The following PAK6 variants were observed in gnomAD, a reference collection of about 807,000 sequenced individuals.
The protein encoded by PAK6 is serine/threonine-protein kinase PAK 6.
PAK6 carries 33 observed loss-of-function variants against 60.8 expected under a neutral mutation model. The ratio of observed to expected loss-of-function variants is 0.54; its 90% confidence interval spans 0.41 to 0.73. The LOEUF is 0.73. Ranked by LOEUF, PAK6 falls within the 30% of genes least tolerant of loss-of-function variation. The probability of loss-of-function intolerance (pLI) is 0.00; values close to 1 mark genes in which losing one functional copy is unlikely to be tolerated. For missense variants in PAK6, 845 were observed against 904.1 expected (o/e 0.93, Z 0.84); for synonymous variants, 404 against 378.5 (o/e 1.07, Z -0.78).
chr15:40,271,951 C>G (rs1024147966), intron 5 of PAK6, among the ~76,000 whole-genome samples: 1 of 152,168 alleles, frequency 6.6e-6, no homozygotes, highest in Non-Finnish European at 1.5e-5. Flanking sequence ...GGGGAGCTGG[C>G]CTTCTCTGTC....
rs2039362906 is a variant in PAK6 at position 40,273,339 on chromosome 15, T to C, written c.1491-7T>C. 6.2e-7 allele frequency: 1 copy of C among 1,613,040 alleles called. No homozygotes were observed. Among genetic ancestry groups the C allele is most frequent in the East Asian group, 2.2e-5 (1 of 44,858 alleles). ...CTTTCATCGGGTGGCCCCACCTTCC[T>C]GTCCAGGCTGAATGAGGAGCAGATT... On this transcript the variant is annotated splice_polypyrimidine_tract_variant and splice_region_variant and intron_variant, in intron 7 of 10. Coordinates refer to ENST00000560346, the Ensembl canonical transcript of PAK6.
At chr15:40,260,350 A>T (rs2038951407) in intron 3 of PAK6, 1 of 152,176 alleles carries the variant, frequency 6.6e-6, no homozygotes, top group East Asian at 1.9e-4. Flanking sequence ...TACATTTATT[A>T]AAAACATCAT....
intron 3 of PAK6, among the ~76,000 whole-genome samples, chr15:40,262,517 AC>A (rs1411894651): frequency 7.3e-6 from 1 of 137,602 alleles, no homozygotes; most frequent in African/African-American, 2.8e-5. Flanking sequence ...AAAAACAACA[AC>A]AACAACAACA....
intron 2 of PAK6, 175 bp from the exon 3 acceptor site, chr15:40,253,003 C>G: frequency 2.2e-6 from 1 of 445,520 alleles, no homozygotes; most frequent in Non-Finnish European, 3.8e-6. Flanking sequence ...CGCCCAACGT[C>G]CCCTTCTCCC....
chr15:40,275,283 T>TTTTTTTTTTTTGTTTTG (rs1566859691), intron 10 of PAK6, among the ~76,000 whole-genome samples: 5 of 96,416 alleles, frequency 5.2e-5, no homozygotes, highest in Non-Finnish European at 1.0e-4. Context: ...GTTGTTGGTT[T>TTTTTTTTTTTTGTTTTG]TTTTTTTTTT....
At chr15:40,273,589 C>T in exon 9 of PAK6, 1 of 1,614,066 alleles carries the variant, frequency 6.2e-7, no homozygotes, top group Non-Finnish European at 8.5e-7. Context: ...CTCAGATCAG[C>T]AAAGACGTCC....
At chr15:40,240,744 G>A (rs974136064) in intron 2 of PAK6, 63 bp downstream of exon 2, 2 of 413,386 alleles carry the variant, frequency 4.8e-6, no homozygotes, top group East Asian at 1.5e-4. Context: ...GTGCCAAGGT[G>A]TCCAGGCTGC....
intron 2 of PAK6, among the ~76,000 whole-genome samples, chr15:40,243,636 A>C (rs932922396): frequency 2.0e-5 from 3 of 152,240 alleles, no homozygotes; most frequent in Non-Finnish European, 4.4e-5. Flanking sequence ...GGTGACTTTG[A>C]AAGAACCCTC....
intron 2 of PAK6, chr15:40,252,690 A>G: frequency 1.5e-6 from 2 of 1,308,604 alleles, no homozygotes; most frequent in South Asian, 1.2e-5. Context: ...CCCGCTCCGC[A>G]GGTGGGTTCC....
In PAK6 at chr15:40,253,330, C is replaced by A. The variant is rs35517798; in HGVS notation, c.-6+41C>A. 7.4e-3 allele frequency: 3,343 copies of A among 453,042 alleles called. 34 individuals carry two copies. The highest frequency in any genetic ancestry group is 0.034 in the African/African-American group (1,707 of 50,082). 28.1% of individuals were successfully genotyped at this position (453,042 alleles called of 1,614,324 possible). A position where few individuals can be genotyped will look rare whatever the true frequency, so the allele number is the denominator to read the frequency against. ...GCCCCCGGCCCTAGAGCCTTCTGCA[C>A]CCATTTTGAAGAGCAGGCAGGGAGG... On this transcript the variant is annotated intron_variant, in intron 3 of 10. Transcript: ENST00000560346.
chr15:40,250,348 G>A (rs1371146179), intron 2 of PAK6, among the ~76,000 whole-genome samples: 5 of 152,204 alleles, frequency 3.3e-5, no homozygotes, highest in Middle Eastern at 3.2e-3. Context: ...TCATGTAGAC[G>A]AGACTGGAAG....
chr15:40,253,230 C>T (rs1272762387), exon 3 of PAK6: 1 of 456,126 alleles, frequency 2.2e-6, no homozygotes, highest in Non-Finnish European at 4.4e-6. Context: ...TCCTCAGCGC[C>T]TAAGAGAGAG....
chr15:40,255,982 G>C (rs2038822947), intron 3 of PAK6, among the ~76,000 whole-genome samples: 1 of 152,234 alleles, frequency 6.6e-6, no homozygotes, highest in African/African-American at 2.4e-5. Context: ...CCACACAGGA[G>C]TGAGGATTTC....
exon 5 of PAK6, chr15:40,266,491 G>T (rs757982465): frequency 6.2e-7 from 1 of 1,600,486 alleles, no homozygotes; most frequent in African/African-American, 1.3e-5. Context: ...CCACCACAGA[G>T]CAAGGTAAGT....
rs915081906 is a variant in PAK6, at chr15:40,249,163, G to T, written c.-117-4015G>T. 2.0e-5 allele frequency among the ~76,000 whole-genome samples: 3 copies of T among 152,138 alleles called. No homozygotes were observed. In the South Asian group the frequency reaches 6.2e-4, roughly 32 times the overall value. The stretch of plus-strand genomic sequence containing the variant: ...GAAAGGGCCAGGGATCTCTCTGGGG[G>T]CCTCTTTCATAAAGGCATGAATCCC... On this transcript the variant is annotated intron_variant, in intron 2 of 10. Transcript: ENST00000560346.
At chr15:40,256,246 A>G (rs1484063079) in intron 3 of PAK6, among the ~76,000 whole-genome samples, 3 of 152,178 alleles carry the variant, frequency 2.0e-5, no homozygotes, top group African/African-American at 7.2e-5. Flanking sequence ...TTTTTTTTTG[A>G]AACAAACTTC....
In PAK6 at chr15:40,240,682, G is replaced by T. The variant is rs1233045105; in HGVS notation, c.-118+1G>T. On this transcript the variant is annotated splice_donor_variant, in intron 2 of 10. Coordinates refer to ENST00000560346, the Ensembl canonical transcript of PAK6. LOFTEE classifies it low-confidence loss of function (5UTR_SPLICE). ...CCGCTGCCCAGAAGGAGCAGCCACG[G>T]TAAGGTCCCCACTGCCGCTGCGTGC... The T allele has an allele frequency of 6.7e-6, 3 of 448,614 alleles. No individual in the cohort carries two copies. The highest frequency in any genetic ancestry group is 1.3e-5 in the Non-Finnish European group (3 of 225,026). 27.8% of individuals were successfully genotyped at this position (448,614 alleles called of 1,614,324 possible). A position where few individuals can be genotyped will look rare whatever the true frequency, so the allele number is the denominator to read the frequency against.
intron 2 of PAK6, 99 bp downstream of exon 2, chr15:40,240,780 C>A: frequency 2.6e-6 from 1 of 379,576 alleles, no homozygotes; most frequent in Non-Finnish European, 5.2e-6. Flanking sequence ...GGGAGGCTAA[C>A]TCCACAGCTG....
At chr15:40,266,350 C>A (rs746389249) in exon 5 of PAK6, 1 of 1,612,602 alleles carries the variant, frequency 6.2e-7, no homozygotes, top group Non-Finnish European at 8.5e-7. Flanking sequence ...GGCTCAGCCA[C>A]AGGCAGGCCA....
Sources: gnomAD v4.1 joint callset for allele counts (sites outside exome capture counted in the v4.1 genomes callset) on GRCh38, gnomAD v4.1.1 for gene constraint, MANE v1.5 for transcripts, NCBI Gene and HGNC (gene_info 2026-07-23, HGNC 2026-07-21) for gene names.